JAK1: variants seen among roughly 807,000 people sequenced by gnomAD.
The protein encoded by JAK1 is tyrosine-protein kinase JAK1.
Under a neutral mutation model 136.6 loss-of-function variants are expected in JAK1, and 16 were observed. That is an observed-to-expected ratio of 0.12 (90% CI 0.08 to 0.18). JAK1 has a LOEUF of 0.18. Ranked by LOEUF, JAK1 falls within the 10% of genes least tolerant of loss-of-function variation. The probability of loss-of-function intolerance (pLI) is 1.00; values close to 1 mark genes in which losing one functional copy is unlikely to be tolerated. For missense variants in JAK1, 859 were observed against 1,450.1 expected, an observed-to-expected ratio of 0.59 and a Z score of 6.62; for synonymous variants, 492 against 519.5, an observed-to-expected ratio of 0.95 and a Z score of 0.72.
intron 5 of JAK1, among the ~76,000 whole-genome samples, chr1:64,873,068 C>T (rs1657170219): frequency 6.6e-6 from 1 of 152,024 alleles, no homozygotes; most frequent in African/African-American, 2.4e-5. Context: ...TTCCCTCTGA[C>T]CTCTGCACAT....
At chr1:64,990,853 A>AG (rs376872902) in intron 2 of JAK1, 12 of 140,028 alleles carry the variant, frequency 8.6e-5, no homozygotes, top group African/African-American at 3.2e-4. Flanking sequence ...CCTGGGAGGC[A>AG]GGGTTGCAGT....
chr1:64,928,784 A>AAAAAAAAAAC, intron 1 of JAK1, among the ~76,000 whole-genome samples: 1 of 121,974 alleles, frequency 8.2e-6, no homozygotes, highest in South Asian at 2.7e-4. Flanking sequence ...TCTGCAAAAA[A>AAAAAAAAAAC]AAAAAAAAAA....
intron 1 of JAK1, chr1:65,058,300 C>A: frequency 2.2e-6 from 1 of 457,380 alleles, no homozygotes; most frequent in Non-Finnish European, 4.5e-6. Flanking sequence ...ATAACTCTCC[C>A]TATGCCCCGG....
At chr1:64,878,571 A>G (rs310210) in intron 4 of JAK1, among the ~76,000 whole-genome samples, 647 of 43,770 alleles carry the variant, frequency 0.015, 5 homozygotes, top group African/African-American at 0.021. Context: ...GTATATATAT[A>G]TATATATATA....
Position 64,833,910 on chromosome 1 carries a change from C to A in JAK1, c.*652G>T, listed in dbSNP as rs890011473. On this transcript the variant is annotated 3_prime_UTR_variant, in exon 25 of 25. Transcript: ENST00000342505. Reference sequence around the variant, plus strand: ...ATTATCTATTCCACAGCTATCCCCCCATGTAGAACCAGCTTTCTCAAAAAT... The same window carrying A: ...ATTATCTATTCCACAGCTATCCCCCAATGTAGAACCAGCTTTCTCAAAAAT... 1.7e-5 allele frequency: 4 copies of A among 232,714 alleles called. No individual in the cohort carries two copies. The highest frequency in any genetic ancestry group is 2.5e-5 in the Non-Finnish European group (3 of 117,760). The allele number at this position is 232,714 out of a possible 1,614,324, so 14.4% of individuals were successfully genotyped here. A position where few individuals can be genotyped will look rare whatever the true frequency, so the allele number is the denominator to read the frequency against.
At position 64,844,965 on chromosome 1, in the gene JAK1, A is replaced by G. The variant is rs890582192; in HGVS notation, c.2116-76T>C. Reference sequence around the variant, plus strand: ...ATTTCCAACCCTGGTCCCTCAGGTCATCTCTTCCTACCCCCAGCTACAGCC... The same window carrying G: ...ATTTCCAACCCTGGTCCCTCAGGTCGTCTCTTCCTACCCCCAGCTACAGCC... On this transcript the variant is annotated intron_variant, in intron 15 of 24. Coordinates refer to ENST00000342505, the MANE Select transcript of JAK1 (RefSeq NM_002227.4). This position sits in a 1 kb window ranked among gnomAD's most constrained non-coding sequence, Gnocchi z 5.7. 1 of 1,587,506 alleles carries G rather than the reference A, an allele frequency of 6.3e-7. No individual in the cohort carries two copies. Among genetic ancestry groups the G allele is most frequent in the African/African-American group, 1.3e-5 (1 of 74,438 alleles).
chr1:65,001,148 G>C (rs560539611), intron 2 of JAK1, among the ~76,000 whole-genome samples: 1 of 152,326 alleles, frequency 6.6e-6, no homozygotes, highest in Non-Finnish European at 1.5e-5. Context: ...CAAAAATGGA[G>C]TGGACAATTT....
At chr1:64,974,032 A>G (rs1277490006) in intron 2 of JAK1, 1 of 152,232 alleles carries the variant, frequency 6.6e-6, no homozygotes, top group African/African-American at 2.4e-5. Context: ...ATATAATTAT[A>G]AATGTCCACA....
At chr1:64,850,986 G>GC in intron 11 of JAK1, 76 bp from the exon 12 acceptor site, 1 of 981,404 alleles carries the variant, frequency 1.0e-6, no homozygotes, top group African/African-American at 1.6e-5. Context: ...CTGCTGAGCC[G>GC]GGGCCGTGGG....
At chr1:64,897,014 C>G (rs2101423147) in intron 1 of JAK1, among the ~76,000 whole-genome samples, 1 of 152,256 alleles carries the variant, frequency 6.6e-6, no homozygotes, top group East Asian at 1.9e-4. Context: ...GGAAAACTGG[C>G]TCACAGCAGG....
intron 2 of JAK1, among the ~76,000 whole-genome samples, chr1:65,043,061 G>A (rs1647149725): frequency 6.6e-6 from 1 of 152,092 alleles, no homozygotes; most frequent in South Asian, 2.1e-4. Context: ...TGAATGACAG[G>A]TGGTCTCAGA....
intron 2 of JAK1, among the ~76,000 whole-genome samples, chr1:65,042,273 A>G (rs1647140780): frequency 1.3e-5 from 2 of 152,256 alleles, no homozygotes; most frequent in Non-Finnish European, 2.9e-5. Context: ...CCCGTTTATT[A>G]TCAGGAACTT....
chr1:64,994,395 G>A (rs1440391504), intron 2 of JAK1, among the ~76,000 whole-genome samples: 1 of 152,200 alleles, frequency 6.6e-6, no homozygotes, highest in Non-Finnish European at 1.5e-5. Context: ...TTATGTGGCT[G>A]TAAACAAAAT....
chr1:64,870,488 A>G (rs1356240061), intron 5 of JAK1, among the ~76,000 whole-genome samples: 1 of 152,160 alleles, frequency 6.6e-6, no homozygotes, highest in Non-Finnish European at 1.5e-5. Context: ...GTCAAGTAGA[A>G]GAATTGAGTA....
intron 1 of JAK1, among the ~76,000 whole-genome samples, chr1:65,044,804 G>A (rs1206208677): frequency 6.6e-6 from 1 of 152,222 alleles, no homozygotes; most frequent in South Asian, 2.1e-4. Context: ...GCTCCAGCAG[G>A]CTGTGTCCTG....
At chr1:64,954,401 C>A (rs1288239572) in intron 1 of JAK1, among the ~76,000 whole-genome samples, 4 of 152,206 alleles carry the variant, frequency 2.6e-5, no homozygotes, top group Admixed American at 6.5e-5. Flanking sequence ...CTCTCCTCCC[C>A]ACGTGGGATG....
chr1:64,955,028 C>T (rs1646158202), intron 1 of JAK1, among the ~76,000 whole-genome samples: 2 of 152,344 alleles, frequency 1.3e-5, no homozygotes, highest in Middle Eastern at 3.4e-3. Flanking sequence ...CTTTACAAAA[C>T]TGTACCACCT....
chr1:64,943,880 G>GGCTT (rs1409033030), intron 1 of JAK1, among the ~76,000 whole-genome samples: 7 of 151,066 alleles, frequency 4.6e-5, no homozygotes, highest in Non-Finnish European at 8.9e-5. Context: ...ATGAGCAAAG[G>GGCTT]GCTTGACTAG....
intron 1 of JAK1, among the ~76,000 whole-genome samples, chr1:65,065,731 G>A (rs1569983692): frequency 2.0e-5 from 3 of 150,772 alleles, no homozygotes; most frequent in South Asian, 2.1e-4. Context: ...GGTGGGGCCT[G>A]GGGAAAGAAA....
Sources: gnomAD v4.1 joint callset for allele counts (sites outside exome capture counted in the v4.1 genomes callset) on GRCh38, gnomAD v4.1.1 for gene constraint, Gnocchi (gnomAD v3.1) non-coding constraint, MANE v1.5 for transcripts, NCBI Gene and HGNC (gene_info 2026-07-23, HGNC 2026-07-21) for gene names.